The following RNF43 variants were observed in gnomAD, a reference collection of about 807,000 sequenced individuals.
RNF43 encodes the protein E3 ubiquitin-protein ligase RNF43.
A neutral mutation model predicts 78.4 loss-of-function variants in RNF43; 37 were observed. That is an observed-to-expected ratio of 0.47 (90% CI 0.36 to 0.62). The LOEUF (loss-of-function observed/expected upper bound fraction) is 0.62. Among genes scored for constraint, RNF43 ranks in the 20% least tolerant of loss-of-function variants. The pLI, the probability that RNF43 is intolerant of heterozygous loss-of-function variation, is 0.00. For missense variants in RNF43, 774 were observed against 1,007.9 expected (o/e 0.77, Z 3.14); for synonymous variants, 347 against 395.0 (o/e 0.88, Z 1.44).
At chr17:58,405,939 G>A (rs1053480554) in intron 2 of RNF43, among the ~76,000 whole-genome samples, 2 of 152,190 alleles carry the variant, frequency 1.3e-5, no homozygotes, top group East Asian at 3.9e-4. Flanking sequence ...GGTACAAATA[G>A]GAAAACCACA....
chr17:58,407,768 G>A (rs896432674), intron 2 of RNF43, among the ~76,000 whole-genome samples: 3 of 152,050 alleles, frequency 2.0e-5, no homozygotes, highest in Admixed American at 6.6e-5. Context: ...CTAAAGACAC[G>A]GGAAGAAAAC....
intron 2 of RNF43, among the ~76,000 whole-genome samples, chr17:58,413,371 C>A (rs1169435779): frequency 3.3e-5 from 5 of 151,894 alleles, no homozygotes; most frequent in Admixed American, 1.3e-4. Flanking sequence ...AAACCGAAAC[C>A]AATATGGAAA....
At chr17:58,361,835 T>C (rs1442814667) in intron 6 of RNF43, among the ~76,000 whole-genome samples, 1 of 152,222 alleles carries the variant, frequency 6.6e-6, no homozygotes, top group Admixed American at 6.5e-5. Context: ...TCTCCTCAGA[T>C]ACCTGCACAG....
chr17:58,383,681 G>A (rs912616256), intron 2 of RNF43, among the ~76,000 whole-genome samples: 4 of 151,996 alleles, frequency 2.6e-5, no homozygotes, highest in Admixed American at 1.3e-4. Context: ...GCAATGGCGT[G>A]ATCTCGGCTC....
intron 2 of RNF43, among the ~76,000 whole-genome samples, chr17:58,411,699 A>G (rs139266151): frequency 6.6e-6 from 1 of 152,308 alleles, no homozygotes; most frequent in Non-Finnish European, 1.5e-5. Context: ...CTACACTAAG[A>G]TCCTCTTACT....
chr17:58,410,556 A>C (rs1289530434), intron 2 of RNF43, among the ~76,000 whole-genome samples: 1 of 152,222 alleles, frequency 6.6e-6, no homozygotes, highest in East Asian at 1.9e-4. Context: ...AAAATCACAA[A>C]ATTTCTATTT....
chr17:58,384,585 G>A lies in RNF43; in HGVS notation c.253-13552C>T, dbSNP rs146429649. Among the ~76,000 whole-genome samples the A allele has an allele frequency of 7.8e-4, 118 of 152,138 alleles. 1 individual carries two copies. The highest frequency in any genetic ancestry group is 1.5e-3 in the Non-Finnish European group (102 of 68,006). On this transcript the variant is annotated intron_variant, in intron 2 of 9. Transcript: ENST00000407977. ...TACTCTCCCTTTATTAGTACCACCC[G>A]TTCCACAAATTAGGTAACTAAGGCT...
At position 58,358,212 on chromosome 17, in the gene RNF43, T is replaced by G. The variant is rs758649188; in HGVS notation, c.1564A>C (p.Met522Leu). 3.4e-5 allele frequency: 55 copies of G among 1,612,924 alleles called. No individual in the cohort carries two copies. The highest frequency in any genetic ancestry group is 4.6e-5 in the Non-Finnish European group (54 of 1,179,540). The change falls in exon 9 of 10, where the codon ATG (methionine) becomes CTG (leucine). Residue 522 changes from methionine to leucine, a missense_variant. Transcript: ENST00000407977. The surrounding 1 kb of genome is among the most constrained non-coding windows in gnomAD (Gnocchi z 6.2). ...GGCCGAGAGGTCACACTAGGCTGCA[T>G]GTCCACTCGCTGGGGATCCCCTTTA... ...SPKGDPQRVD[M>L]QPSVTSRPRS...
chr17:58,356,245 A>G (rs1287194786), intron 9 of RNF43, among the ~76,000 whole-genome samples: 2 of 152,082 alleles, frequency 1.3e-5, no homozygotes. Context: ...AGGAAGGAGA[A>G]AGGAAATGAA....
At chr17:58,412,445 T>G (rs1029217666) in intron 2 of RNF43, among the ~76,000 whole-genome samples, 9 of 152,130 alleles carry the variant, frequency 5.9e-5, no homozygotes, top group Admixed American at 3.3e-4. Flanking sequence ...ATTTATAATT[T>G]TGAACATACC....
At chr17:58,374,265 CATG>C (rs1484468695) in intron 2 of RNF43, among the ~76,000 whole-genome samples, 1 of 151,970 alleles carries the variant, frequency 6.6e-6, no homozygotes, top group African/African-American at 2.4e-5. Context: ...ATTTTGAAAA[CATG>C]ATACCTTCCC....
chr17:58,357,550 C>T lies in RNF43; in HGVS notation c.2226G>A (p.Glu742=), dbSNP rs770712571. ...RQPLEPHPPG[E]GPSEWSSDTA... ...TGTCAGAACTCCATTCAGAAGGCCC[C>T]TCCCCAGGTGGATGTGGTTCCAGGG... Residue 742 remains glutamate, a synonymous_variant, in exon 9 of 10, where the codon GAG becomes GAA. Transcript: ENST00000407977. This position sits in a 1 kb window ranked among gnomAD's most constrained non-coding sequence, Gnocchi z 4.5. 30 of 1,614,234 alleles carry T rather than the reference C, an allele frequency of 1.9e-5. No homozygotes were observed. The South Asian group carries it at 3.2e-4, about 17-fold the overall frequency.
At chr17:58,415,286 C>A in intron 2 of RNF43, 40 bp downstream of exon 2, 1 of 1,607,690 alleles carries the variant, frequency 6.2e-7, no homozygotes, top group South Asian at 1.1e-5. Context: ...AGACATATTT[C>A]AAACAGATGG....
chr17:58,384,461 C>G (rs982178294), intron 2 of RNF43, among the ~76,000 whole-genome samples: 3 of 152,316 alleles, frequency 2.0e-5, no homozygotes, highest in African/African-American at 7.2e-5. Context: ...TATTTTTACT[C>G]TGCTAATGGA....
chr17:58,353,083 C>T (rs1450560913), downstream of RNF43: 1 of 209,098 alleles, frequency 4.8e-6, no homozygotes, highest in Non-Finnish European at 9.7e-6. Context: ...AGGCAGAACG[C>T]AGTCATTTGT....
At chr17:58,364,061 GC>G (rs1972899367) in intron 3 of RNF43, among the ~76,000 whole-genome samples, 2 of 152,290 alleles carry the variant, frequency 1.3e-5, no homozygotes, top group Admixed American at 6.5e-5. Flanking sequence ...AGGGAGCTGG[GC>G]TTTCCAGGGC....
intron 2 of RNF43, among the ~76,000 whole-genome samples, chr17:58,384,644 A>T (rs1391329015): frequency 2.0e-5 from 3 of 152,208 alleles, no homozygotes; most frequent in Non-Finnish European, 2.9e-5. Context: ...TGGGCTTGTG[A>T]CCTGGCTTCT....
At chr17:58,386,960 T>G (rs183423848) in intron 2 of RNF43, among the ~76,000 whole-genome samples, 1 of 152,224 alleles carries the variant, frequency 6.6e-6, no homozygotes, top group Non-Finnish European at 1.5e-5. Context: ...GCCTATACTC[T>G]CACTTACTAA....
intron 2 of RNF43, among the ~76,000 whole-genome samples, chr17:58,391,249 T>A (rs1023756244): frequency 6.6e-6 from 1 of 152,210 alleles, no homozygotes; most frequent in African/African-American, 2.4e-5. Context: ...AAAATTGAGC[T>A]GAAAAATTAA....
Sources: gnomAD v4.1 joint callset for allele counts (sites outside exome capture counted in the v4.1 genomes callset) on GRCh38, gnomAD v4.1.1 for gene constraint, Gnocchi (gnomAD v3.1) non-coding constraint, MANE v1.5 for transcripts, NCBI Gene and HGNC (gene_info 2026-07-23, HGNC 2026-07-21) for gene names.